Variants in GET1 observed in about 807,000 individuals in gnomAD.
GET1 encodes guided entry of tail-anchored proteins factor 1.
GET1 carries 20 observed loss-of-function variants against 22.6 expected under a neutral mutation model. The ratio of observed to expected loss-of-function variants is 0.89; its 90% CI spans 0.62 to 1.29. The LOEUF is 1.29. Among genes scored for constraint, GET1 ranks in the 50% most tolerant of loss-of-function variants. The pLI, the probability that GET1 is intolerant of heterozygous loss-of-function variation, is 0.00. For missense variants in GET1, 209 were observed against 219.9 expected, an observed-to-expected ratio of 0.95 and a Z score of 0.31; for synonymous variants, 92 against 83.8, an observed-to-expected ratio of 1.10 and a Z score of -0.53.
At chr21:39,399,696 C>T (rs767541219), downstream of GET1, among the ~76,000 whole-genome samples, 14 of 152,086 alleles carry the variant, frequency 9.2e-5, no homozygotes, top group Non-Finnish European at 1.8e-4. Flanking sequence ...CTGCCTCAGG[C>T]CCCCAAAGTT....
intron 1 of GET1, among the ~76,000 whole-genome samples, chr21:39,385,336 GGTCTGAA>G (rs1422906358): frequency 6.6e-6 from 1 of 152,132 alleles, no homozygotes; most frequent in Non-Finnish European, 1.5e-5. Flanking sequence ...GGCCTTAGGA[GGTCTGAA>G]GTATCAGAAG....
downstream of GET1, among the ~76,000 whole-genome samples, chr21:39,400,693 C>T (rs1432582512): frequency 1.3e-5 from 2 of 152,178 alleles, no homozygotes; most frequent in African/African-American, 2.4e-5. Flanking sequence ...CTCATCCTGT[C>T]TCTGGACCCA....
downstream of GET1, among the ~76,000 whole-genome samples, chr21:39,398,315 T>G (rs1487293280): frequency 1.3e-5 from 2 of 152,140 alleles, no homozygotes; most frequent in African/African-American, 4.8e-5. Flanking sequence ...TTTAGTAAGC[T>G]GCAGGCAGAA....
intron 3 of GET1, 44 bp downstream of exon 3, chr21:39,391,880 C>A (rs370693833): frequency 1.2e-6 from 2 of 1,602,712 alleles, no homozygotes; most frequent in Non-Finnish European, 8.5e-7. Context: ...AGTTGGTGAC[C>A]CCGGCCTCCA....
chr21:39,427,680 AT>A (rs1427373067), intron 1 of GET1: 5 of 151,636 alleles, frequency 3.3e-5, no homozygotes, highest in South Asian at 2.1e-4. Context: ...AAAAAAAAAA[AT>A]CTACAAAGAA....
In GET1 at chr21:39,391,935, C is replaced by T. The variant is rs1309725554; in HGVS notation, c.336+99C>T. The T allele has an allele frequency of 1.9e-5, 22 of 1,167,390 alleles. No homozygotes were observed. The South Asian group carries it at 2.5e-4, about 13-fold the overall frequency. The allele number at this position is 1,167,390 out of a possible 1,614,324, so 72.3% of individuals were successfully genotyped here. ...AGGGCTGGGAGTTCGGGCTGTTCCA[C>T]CTTCAGCTGTCGTGTCGTGTGTCCC... is the stretch of plus-strand genomic sequence containing the variant. On this transcript the variant is annotated intron_variant, in intron 3 of 4. Transcript: ENST00000649170.
chr21:39,423,054 G>GT, intron 1 of GET1: 1 of 1,613,990 alleles, frequency 6.2e-7, no homozygotes, highest in Non-Finnish European at 8.5e-7. Context: ...TTTCTGCAAG[G>GT]TTTTTGTCTT....
chr21:39,396,904 A>T lies in GET1; in HGVS notation c.490A>T (p.Lys164Ter). ...TACCTGTTGGATTTTAGTCTGTAAC[A>T]AAGTTGTCGCTATTGTGCTTCATCC... ...GITCWILVCN[K>*]VVAIVLHPFS The change falls in exon 5 of 5, where the codon AAA (lysine) becomes TAA (stop). Residue 164 changes from lysine to a stop codon, truncating the protein, a stop_gained. Transcript: ENST00000649170. LOFTEE classifies it high-confidence loss of function. The T allele has an allele frequency of 6.2e-7, 1 of 1,614,068 alleles. No homozygotes were observed. The highest frequency in any genetic ancestry group is 8.5e-7 in the Non-Finnish European group (1 of 1,180,022).
At chr21:39,420,250 G>A (rs1175894216) in intron 1 of GET1, among the ~76,000 whole-genome samples, 2 of 151,984 alleles carry the variant, frequency 1.3e-5, no homozygotes, top group African/African-American at 4.8e-5. Context: ...GGCCAGGTGC[G>A]GTGGCTCACA....
At position 39,393,231 on chromosome 21, in the gene GET1, A is replaced by G. The variant is rs376809420; in HGVS notation, c.402A>G (p.Lys134=). 4.9e-5 allele frequency: 79 copies of G among 1,614,180 alleles called. No homozygotes were observed. In the African/African-American group the frequency reaches 9.6e-4, roughly 20 times the overall value. The change falls in exon 4 of 5, where the codon AAA becomes AAG. Residue 134 remains lysine (K), a synonymous_variant. Coordinates refer to ENST00000649170, the MANE Select transcript of GET1 (RefSeq NM_004627.6). ...YSVPVAVVPS[K]WITPLDRLVA... is the part of the protein sequence containing the mutation. ...TCCCTGTGGCTGTCGTGCCGAGTAA[A>G]TGGATAACCCCTCTAGACCGCCTGG...
In GET1 at chr21:39,391,749, T is replaced by C; in HGVS notation, c.269-20T>C. On this transcript the variant is annotated intron_variant, in intron 2 of 4. Coordinates refer to ENST00000649170, the MANE Select transcript of GET1 (RefSeq NM_004627.6). ...ATTTTTCAGGACTGACATAATTATT[T>C]ATCCTGTTTTTCCTTTCAGTGAAAG... is the stretch of plus-strand genomic sequence containing the variant. 6.2e-7 allele frequency: 1 copy of C among 1,612,642 alleles called. No individual in the cohort carries two copies. Among genetic ancestry groups the C allele is most frequent in the Non-Finnish European group, 8.5e-7 (1 of 1,178,720 alleles).
At chr21:39,391,171 A>C (rs2038271490) in intron 2 of GET1, 2 of 230,384 alleles carry the variant, frequency 8.7e-6, no homozygotes, top group Non-Finnish European at 1.7e-5. Flanking sequence ...TTCTGAGAGA[A>C]GCCCAGAAAA....
chr21:39,389,092 C>T lies in GET1; in HGVS notation c.103-1606C>T, dbSNP rs1007149221. 3.9e-5 allele frequency among the ~76,000 whole-genome samples: 6 copies of T among 152,048 alleles called. No homozygotes were observed. In the South Asian group the frequency reaches 1.2e-3, roughly 31 times the overall value. On this transcript the variant is annotated intron_variant, in intron 1 of 4. Transcript: ENST00000649170. The stretch of plus-strand genomic sequence containing the variant: ...CCTTCCTTCCTTCCTCCCTCCCTTC[C>T]TCCCTTCTTCCCTTCCTTCCTTCAC...
intron 1 of GET1, chr21:39,422,573 T>C (rs1442534512): frequency 4.0e-6 from 1 of 248,094 alleles, no homozygotes; most frequent in Non-Finnish European, 7.6e-6. Context: ...TGAGTAGGTT[T>C]TTAGGGAAGT....
intron 2 of GET1, chr21:39,391,206 G>A (rs2038273183): frequency 1.7e-5 from 4 of 238,038 alleles, no homozygotes; most frequent in East Asian, 1.1e-4. Flanking sequence ...GATTCCCAGA[G>A]GCTTTTGTTC....
chr21:39,410,477 A>G, downstream of GET1: 1 of 584,064 alleles, frequency 1.7e-6, no homozygotes. Context: ...TATACTAAGT[A>G]TTTTCTAAAT....
chr21:39,415,141 A>G (rs555657879), intron 1 of GET1, among the ~76,000 whole-genome samples: 61 of 152,144 alleles, frequency 4.0e-4, no homozygotes, highest in Non-Finnish European at 7.2e-4. Flanking sequence ...GGCTCAAAAG[A>G]TCCTTCTGCC....
intron 1 of GET1, among the ~76,000 whole-genome samples, chr21:39,425,204 T>C (rs1231864422): frequency 6.6e-6 from 1 of 152,210 alleles, no homozygotes; most frequent in African/African-American, 2.4e-5. Flanking sequence ...TAGTGGCCAG[T>C]GTCACCCAAG....
intron 4 of GET1, among the ~76,000 whole-genome samples, chr21:39,403,702 A>G (rs976397109): frequency 5.9e-5 from 9 of 151,276 alleles, no homozygotes; most frequent in African/African-American, 1.9e-4. Context: ...GCTCACTGCA[A>G]CCTCTGCCTC....
Sources: allele counts gnomAD v4.1 joint callset (sites outside exome capture counted in the v4.1 genomes callset), GRCh38; gene constraint gnomAD v4.1.1; transcripts MANE v1.5; gene names NCBI Gene and HGNC (gene_info 2026-07-23, HGNC 2026-07-21).